Variants in LMO3 observed in about 807,000 individuals in gnomAD.
The protein encoded by LMO3 is LIM domain only 3, also known as LIM domain only protein 3.
In LMO3, 2 loss-of-function variants were observed where a neutral mutation model predicts 15.8. The ratio of observed to expected loss-of-function variants is 0.13; its 90% CI spans 0.05 to 0.40. The LOEUF is 0.40. Ranked by LOEUF, LMO3 falls within the 10% of genes least tolerant of loss-of-function variation. LMO3 has a pLI of 0.99. For missense variants in LMO3, 86 were observed against 182.2 expected (o/e 0.47, Z 3.04); for synonymous variants, 62 against 63.8 (o/e 0.97, Z 0.13).
chr12:16,552,800 T>G (rs1186442218), intron 3 of LMO3, among the ~76,000 whole-genome samples: 1 of 152,054 alleles, frequency 6.6e-6, no homozygotes, highest in Non-Finnish European at 1.5e-5. Flanking sequence ...TTAAGTATAT[T>G]TTCTTTGTAT....
intron 2 of LMO3, among the ~76,000 whole-genome samples, chr12:16,580,945 C>T (rs1257483177): frequency 6.6e-6 from 1 of 152,158 alleles, no homozygotes; most frequent in African/African-American, 2.4e-5. Flanking sequence ...ATGCTATATA[C>T]AACACAGACA....
At chr12:16,561,699 A>T (rs1942412053) in intron 2 of LMO3, among the ~76,000 whole-genome samples, 1 of 152,186 alleles carries the variant, frequency 6.6e-6, no homozygotes, top group African/African-American at 2.4e-5. Context: ...ATGCATATTC[A>T]TTTTCAAGTT....
chr12:16,550,075 CTTTG>C lies in LMO3; in HGVS notation c.*1143_*1146del. The C allele has an allele frequency of 6.6e-6, 1 of 152,010 alleles. No homozygotes were observed. Among genetic ancestry groups the C allele is most frequent in the African/African-American group, 2.4e-5 (1 of 41,518 alleles). 9.4% of individuals were successfully genotyped at this position (152,010 alleles called of 1,614,324 possible). A position where few individuals can be genotyped will look rare whatever the true frequency, so the allele number is the denominator to read the frequency against. On this transcript the variant is annotated 3_prime_UTR_variant, in exon 4 of 4. Coordinates refer to ENST00000537304, the MANE Select transcript of LMO3 (RefSeq NM_018640.5). ...CTAGTTCTCAGCATTTTATCAATCCCTTTGTTTCTCTTCTTCTAGAAGATTCTAT... is the reference window on the plus strand; with the variant it reads ...CTAGTTCTCAGCATTTTATCAATCCCTTTCTCTTCTTCTAGAAGATTCTAT...
intron 1 of LMO3, chr12:16,605,100 C>G (rs1216404188): frequency 2.1e-6 from 3 of 1,439,974 alleles, no homozygotes; most frequent in Non-Finnish European, 2.7e-6. Flanking sequence ...CCAGACAAGA[C>G]AGGGCGCACA....
chr12:16,588,727 C>T (rs1311181525), intron 2 of LMO3, among the ~76,000 whole-genome samples: 1 of 152,050 alleles, frequency 6.6e-6, no homozygotes, highest in East Asian at 1.9e-4. Context: ...ATTTCTCCAC[C>T]CATCTCCTTT....
intron 2 of LMO3, among the ~76,000 whole-genome samples, chr12:16,581,080 A>G (rs1369361238): frequency 6.6e-6 from 1 of 152,220 alleles, no homozygotes; most frequent in East Asian, 1.9e-4. Flanking sequence ...GTTAGGTACA[A>G]GAAAACCATT....
rs920709632 is a variant in LMO3 at position 16,560,475 on chromosome 12, C to T, written c.270G>A (p.Val90=). 1.2e-6 allele frequency: 2 copies of T among 1,613,960 alleles called. No individual in the cohort carries two copies. Among genetic ancestry groups the T allele is most frequent in the Non-Finnish European group, 1.7e-6 (2 of 1,179,900 alleles). The change falls in exon 3 of 4, where the codon GTG becomes GTA. Residue 90 remains valine, a synonymous_variant. Coordinates refer to ENST00000537304, the MANE Select transcript of LMO3 (RefSeq NM_018640.5). This position sits in a 1 kb window ranked among gnomAD's most constrained non-coding sequence, Gnocchi z 5.0. ...GGTAAACATTGTCCTTGGCACGCAT[C>T]ACCATCTCAAAGGCAGGGATGAGCT... is the stretch of plus-strand genomic sequence containing the variant. ...CSKLIPAFEM[V]MRAKDNVYHL... is the part of the protein sequence containing the mutation.
At chr12:16,600,976 T>C in intron 1 of LMO3, 108 bp from the exon 2 acceptor site, 1 of 867,520 alleles carries the variant, frequency 1.2e-6, no homozygotes, top group African/African-American at 1.7e-5. Context: ...GTGTTAGCTT[T>C]TCTTGTTTAG....
intron 2 of LMO3, among the ~76,000 whole-genome samples, chr12:16,572,774 A>G (rs549912384): frequency 6.6e-6 from 1 of 150,558 alleles, no homozygotes; most frequent in African/African-American, 2.4e-5. Flanking sequence ...ATTTTTGTAA[A>G]AAACAGAGAC....
At position 16,591,503 on chromosome 12, in the gene LMO3, A is replaced by C. The variant is rs1943493711; in HGVS notation, c.206+9152T>G. ...ACCTATTTCCCCTAAGTAGAATATA[A>C]ACTCTACAAGGGGAGCAGGTATTTT... On this transcript the variant is annotated intron_variant, in intron 2 of 3. Coordinates refer to ENST00000537304, the MANE Select transcript of LMO3 (RefSeq NM_018640.5). The surrounding 1 kb of genome is among the most constrained non-coding windows in gnomAD (Gnocchi z 4.1). Among the ~76,000 whole-genome samples the C allele has an allele frequency of 6.7e-6, 1 of 149,186 alleles. No homozygotes were observed. Among genetic ancestry groups the C allele is most frequent in the African/African-American group, 2.5e-5 (1 of 40,368 alleles).
At chr12:16,610,057 C>T (rs1016865394), upstream of LMO3, 5 of 151,970 alleles carry the variant, frequency 3.3e-5, 1 homozygote, top group South Asian at 6.2e-4. Flanking sequence ...ACACACACTC[C>T]CACCATCACT....
intron 3 of LMO3, among the ~76,000 whole-genome samples, chr12:16,556,243 CT>C (rs769206543): frequency 4.2e-4 from 64 of 152,172 alleles, no homozygotes; most frequent in Middle Eastern, 3.4e-3. Context: ...GCTTATTCAC[CT>C]TTAAGAAATT....
chr12:16,556,407 A>G (rs1011940777), intron 3 of LMO3, among the ~76,000 whole-genome samples: 1 of 152,080 alleles, frequency 6.6e-6, no homozygotes. Flanking sequence ...TAAAAGGGGC[A>G]GAGGAGATCT....
Position 16,599,968 on chromosome 12 carries a change from A to G in LMO3, c.206+687T>C, listed in dbSNP as rs891287191. The G allele has an allele frequency of 2.0e-5, 3 of 152,144 alleles. No homozygotes were observed. Among genetic ancestry groups the G allele is most frequent in the African/African-American group, 7.2e-5 (3 of 41,414 alleles). 9.4% of individuals were successfully genotyped at this position (152,144 alleles called of 1,614,324 possible). A position where few individuals can be genotyped will look rare whatever the true frequency, so the allele number is the denominator to read the frequency against. On this transcript the variant is annotated intron_variant, in intron 2 of 3. Coordinates refer to ENST00000537304, the MANE Select transcript of LMO3 (RefSeq NM_018640.5). The surrounding 1 kb of genome is among the most constrained non-coding windows in gnomAD (Gnocchi z 4.1). ...GTTCAATTGCTTAGTTGTATTTTTGAGATTCCCGTTTAGAATGTCATGAGG... is the reference window on the plus strand; with the variant it reads ...GTTCAATTGCTTAGTTGTATTTTTGGGATTCCCGTTTAGAATGTCATGAGG...
At chr12:16,570,079 C>G (rs559771874) in intron 2 of LMO3, among the ~76,000 whole-genome samples, 16 of 152,208 alleles carry the variant, frequency 1.1e-4, no homozygotes, top group African/African-American at 3.6e-4. Flanking sequence ...CTAGTTTCAG[C>G]CACAGTACAA....
intron 2 of LMO3, among the ~76,000 whole-genome samples, chr12:16,569,059 A>C (rs575023807): frequency 6.6e-6 from 1 of 152,290 alleles, no homozygotes; most frequent in East Asian, 1.9e-4. Context: ...TTTCAGGCTT[A>C]CTCAGTGTTA....
intron 3 of LMO3, among the ~76,000 whole-genome samples, chr12:16,554,952 G>A (rs995699226): frequency 6.6e-6 from 1 of 152,110 alleles, no homozygotes; most frequent in Non-Finnish European, 1.5e-5. Flanking sequence ...ATTAGCCACC[G>A]CGCCCGGCCA....
rs990017823 is a variant in LMO3 at position 16,600,593 on chromosome 12, A to G, written c.206+62T>C. 6.4e-6 allele frequency: 9 copies of G among 1,408,834 alleles called. No homozygotes were observed. In the African/African-American group the frequency reaches 9.9e-5, roughly 16 times the overall value. The allele number at this position is 1,408,834 out of a possible 1,614,324, so 87.3% of individuals were successfully genotyped here. A position where few individuals can be genotyped will look rare whatever the true frequency, so the allele number is the denominator to read the frequency against. On this transcript the variant is annotated intron_variant, in intron 2 of 3. Coordinates refer to ENST00000537304, the MANE Select transcript of LMO3 (RefSeq NM_018640.5). ...GAAATGAAACAAGCAAACAAAAAAT[A>G]CACTTACAAAAGTACTTTAAAAGGC...
chr12:16,559,564 A>G lies in LMO3; in HGVS notation c.332+849T>C, dbSNP rs923423405. Among the ~76,000 whole-genome samples the G allele has an allele frequency of 6.6e-6, 1 of 152,152 alleles. No homozygotes were observed. On this transcript the variant is annotated intron_variant, in intron 3 of 3. Coordinates refer to ENST00000537304, the MANE Select transcript of LMO3 (RefSeq NM_018640.5). The surrounding 1 kb of genome is among the most constrained non-coding windows in gnomAD (Gnocchi z 4.1). Reference sequence around the variant, plus strand: ...CAAATGCTCCTCTCCAATGATAATAATTGTTTAATTATTAGCTATATCTGG... The same window carrying G: ...CAAATGCTCCTCTCCAATGATAATAGTTGTTTAATTATTAGCTATATCTGG...
Sources: gnomAD v4.1 joint callset for allele counts (sites outside exome capture counted in the v4.1 genomes callset) on GRCh38, gnomAD v4.1.1 for gene constraint, Gnocchi (gnomAD v3.1) non-coding constraint, MANE v1.5 for transcripts, NCBI Gene and HGNC (gene_info 2026-07-23, HGNC 2026-07-21) for gene names.